LRRC4C: variants seen among roughly 807,000 people sequenced by gnomAD.
LRRC4C encodes leucine rich repeat containing 4C.
LRRC4C carries 5 observed loss-of-function variants against 33.6 expected under a neutral mutation model. The ratio of observed to expected loss-of-function variants is 0.15; its 90% confidence interval spans 0.08 to 0.31. LRRC4C has a LOEUF of 0.31. LRRC4C is among the 10% of genes least tolerant of loss of function. LRRC4C has a pLI of 1.00. For synonymous variants in LRRC4C, 329 were observed against 302.0 expected (o/e 1.09, Z -0.93); for missense variants, 560 against 796.7 (o/e 0.70, Z 3.58).
chr11:41,304,789 C>T (rs1950427884), intron 1 of LRRC4C, among the ~76,000 whole-genome samples: 1 of 103,762 alleles, frequency 9.6e-6, no homozygotes, highest in Non-Finnish European at 2.0e-5. Context: ...GCCCCCCGCC[C>T]GGCCAGCCGC....
At chr11:40,308,596 C>T (rs897582155) in intron 4 of LRRC4C, among the ~76,000 whole-genome samples, 1 of 152,168 alleles carries the variant, frequency 6.6e-6, no homozygotes. Context: ...ATACCTTATA[C>T]TGTCAGTTAA....
chr11:40,510,401 CAT>C (rs898899773), intron 3 of LRRC4C, among the ~76,000 whole-genome samples: 2 of 151,886 alleles, frequency 1.3e-5, no homozygotes, highest in African/African-American at 4.8e-5. Flanking sequence ...GTAACAAACA[CAT>C]GTGCATACAC....
intron 2 of LRRC4C, among the ~76,000 whole-genome samples, chr11:40,909,258 C>T (rs992301636): frequency 6.6e-6 from 1 of 152,062 alleles, no homozygotes; most frequent in Non-Finnish European, 1.5e-5. Context: ...TCTTTAAAAA[C>T]TTTCCATTGT....
chr11:40,967,289 A>G (rs1851431221), intron 1 of LRRC4C, among the ~76,000 whole-genome samples: 1 of 151,986 alleles, frequency 6.6e-6, no homozygotes, highest in Non-Finnish European at 1.5e-5. Flanking sequence ...ACAAAGAACT[A>G]GGAGCATGAA....
chr11:40,146,220 T>G (rs1482520579), intron 5 of LRRC4C, among the ~76,000 whole-genome samples: 2 of 152,148 alleles, frequency 1.3e-5, no homozygotes, highest in African/African-American at 4.8e-5. Flanking sequence ...CCATCTTTTT[T>G]CACAAGTGAA....
chr11:41,225,557 G>A (rs1487501495), intron 1 of LRRC4C, among the ~76,000 whole-genome samples: 3 of 152,134 alleles, frequency 2.0e-5, no homozygotes, highest in Non-Finnish European at 2.9e-5. Context: ...CCAGCACTTT[G>A]GGAGGCCAAG....
chr11:40,969,816 T>C (rs993859295), intron 1 of LRRC4C, among the ~76,000 whole-genome samples: 2 of 152,352 alleles, frequency 1.3e-5, no homozygotes, highest in Admixed American at 6.5e-5. Context: ...TTATTTGCAG[T>C]GACCTGGAAT....
At chr11:40,953,824 T>C (rs1368761058) in intron 1 of LRRC4C, among the ~76,000 whole-genome samples, 3 of 151,918 alleles carry the variant, frequency 2.0e-5, no homozygotes, top group East Asian at 3.9e-4. Flanking sequence ...CAGCCTACCA[T>C]AGCATATAGT....
At chr11:40,387,609 G>A (rs1949161698) in intron 3 of LRRC4C, among the ~76,000 whole-genome samples, 1 of 152,090 alleles carries the variant, frequency 6.6e-6, no homozygotes, top group African/African-American at 2.4e-5. Context: ...AGACACTGAA[G>A]CAAACCTAGG....
intron 3 of LRRC4C, among the ~76,000 whole-genome samples, chr11:40,504,902 T>A (rs1954958114): frequency 6.6e-6 from 1 of 152,202 alleles, no homozygotes; most frequent in African/African-American, 2.4e-5. Flanking sequence ...ACGTAAACAG[T>A]ACTAGCATTT....
chr11:40,425,148 T>C (rs1373603780), intron 3 of LRRC4C, among the ~76,000 whole-genome samples: 2 of 151,896 alleles, frequency 1.3e-5, no homozygotes, highest in Admixed American at 1.3e-4. Context: ...AGAACCCTTA[T>C]GGTGGGTAGG....
chr11:40,696,774 A>ATATATATATATATATATC (rs1452827874), intron 2 of LRRC4C, among the ~76,000 whole-genome samples: 1 of 144,498 alleles, frequency 6.9e-6, no homozygotes, highest in African/African-American at 2.6e-5. Flanking sequence ...ATATATATAT[A>ATATATATATATATATATC]TCTGAGTATA....
chr11:40,633,950 T>C (rs892357788), intron 3 of LRRC4C, among the ~76,000 whole-genome samples: 5 of 152,154 alleles, frequency 3.3e-5, no homozygotes, highest in African/African-American at 9.7e-5. Flanking sequence ...CTAAATAAAA[T>C]GGGTACAAAG....
At chr11:40,685,477 T>C (rs936254574) in intron 2 of LRRC4C, among the ~76,000 whole-genome samples, 1 of 151,950 alleles carries the variant, frequency 6.6e-6, no homozygotes, top group Non-Finnish European at 1.5e-5. Flanking sequence ...GCTGAATAGA[T>C]CTAAAGAGAA....
intron 1 of LRRC4C, among the ~76,000 whole-genome samples, chr11:41,223,383 G>T (rs1397603841): frequency 1.3e-5 from 2 of 152,114 alleles, no homozygotes; most frequent in Non-Finnish European, 2.9e-5. Context: ...TTGAAAATAA[G>T]AACTCTGGAG....
intron 2 of LRRC4C, among the ~76,000 whole-genome samples, chr11:40,661,163 T>G (rs1454523356): frequency 6.6e-6 from 1 of 152,154 alleles, no homozygotes; most frequent in African/African-American, 2.4e-5. Context: ...TATAACTCAA[T>G]AAAAATGTGT....
intron 1 of LRRC4C, among the ~76,000 whole-genome samples, chr11:41,168,177 C>A (rs566994441): frequency 1.1e-4 from 16 of 152,186 alleles, no homozygotes; most frequent in Non-Finnish European, 2.2e-4. Flanking sequence ...GAAAGGCAGA[C>A]TGAAAGGGCA....
At chr11:41,175,309 A>C (rs1486540144) in intron 1 of LRRC4C, among the ~76,000 whole-genome samples, 1 of 152,158 alleles carries the variant, frequency 6.6e-6, no homozygotes, top group Non-Finnish European at 1.5e-5. Context: ...ACACCTATTG[A>C]TTATTTTTGT....
At chr11:40,766,353 T>TAAAAAAAAAAA (rs60152534) in intron 2 of LRRC4C, among the ~76,000 whole-genome samples, 4 of 33,912 alleles carry the variant, frequency 1.2e-4, no homozygotes, top group Admixed American at 1.1e-3. Context: ...TTCAGTCTGT[T>TAAAAAAAAAAA]AAAAAAAAAA....
Sources: gnomAD v4.1 joint callset for allele counts (sites outside exome capture counted in the v4.1 genomes callset) on GRCh38, gnomAD v4.1.1 for gene constraint, MANE v1.5 for transcripts, NCBI Gene and HGNC (gene_info 2026-07-23, HGNC 2026-07-21) for gene names.